The following LRRC7 variants were observed in gnomAD, a reference collection of about 807,000 sequenced individuals.
LRRC7 encodes leucine rich repeat containing 7.
A neutral mutation model predicts 175.7 loss-of-function variants in LRRC7; 23 were observed. The observed-to-expected ratio is 0.13, with a 90% confidence interval of 0.09 to 0.19. The LOEUF (loss-of-function observed/expected upper bound fraction) is 0.19, where lower values mean the gene tolerates loss of function less well. Among genes scored for constraint, LRRC7 ranks in the 10% least tolerant of loss-of-function variants. The pLI, the probability that LRRC7 is intolerant of heterozygous loss-of-function variation, is 1.00. For missense variants in LRRC7, 1,354 were observed against 1,904.7 expected (o/e 0.71, Z 5.38); for synonymous variants, 685 against 680.9 (o/e 1.01, Z -0.09).
At chr1:69,711,756 C>A (rs1481875499) in intron 2 of LRRC7, among the ~76,000 whole-genome samples, 1 of 152,076 alleles carries the variant, frequency 6.6e-6, no homozygotes, top group African/African-American at 2.4e-5. Context: ...TGATTATAAG[C>A]ATAACTGAAC....
At chr1:70,111,872 T>C (rs1188029952) in intron 26 of LRRC7, among the ~76,000 whole-genome samples, 1 of 152,174 alleles carries the variant, frequency 6.6e-6, no homozygotes, top group African/African-American at 2.4e-5. Flanking sequence ...TTATATAATT[T>C]ATAGAGATTT....
intron 7 of LRRC7, among the ~76,000 whole-genome samples, chr1:69,894,790 A>T (rs1645931526): frequency 6.6e-6 from 1 of 152,232 alleles, no homozygotes; most frequent in Non-Finnish European, 1.5e-5. Context: ...ACCTAAAATA[A>T]TCAAAGGTAT....
chr1:69,650,414 C>T (rs1417957532), intron 1 of LRRC7, among the ~76,000 whole-genome samples: 1 of 151,622 alleles, frequency 6.6e-6, no homozygotes, highest in African/African-American at 2.4e-5. Context: ...GTGGTGGGTG[C>T]CTGCAGTCCC....
At chr1:69,747,444 G>T (rs1362097899) in intron 2 of LRRC7, among the ~76,000 whole-genome samples, 1 of 152,158 alleles carries the variant, frequency 6.6e-6, no homozygotes, top group Non-Finnish European at 1.5e-5. Context: ...TAATTATAGT[G>T]AAGATAGCAG....
intron 13 of LRRC7, among the ~76,000 whole-genome samples, chr1:70,016,251 T>G (rs1656954526): frequency 6.6e-6 from 1 of 152,192 alleles, no homozygotes; most frequent in Admixed American, 6.5e-5. Context: ...CCATACATGT[T>G]AAACATTTTT....
chr1:69,973,294 A>G (rs1268089805), intron 8 of LRRC7, among the ~76,000 whole-genome samples: 1 of 151,902 alleles, frequency 6.6e-6, no homozygotes, highest in East Asian at 1.9e-4. Context: ...GGGAAAGGGT[A>G]GGAAAAGGGT....
chr1:70,045,708 T>C (rs150143356), intron 22 of LRRC7, among the ~76,000 whole-genome samples: 1 of 152,266 alleles, frequency 6.6e-6, no homozygotes, highest in Non-Finnish European at 1.5e-5. Flanking sequence ...GGGTAATTTG[T>C]AAAGGAAACA....
At chr1:70,085,287 G>T (rs1044218721) in intron 24 of LRRC7, among the ~76,000 whole-genome samples, 16 of 151,982 alleles carry the variant, frequency 1.1e-4, no homozygotes, top group Non-Finnish European at 2.1e-4. Context: ...TCAGCCTCTG[G>T]TCTACTTTAC....
intron 7 of LRRC7, among the ~76,000 whole-genome samples, chr1:69,867,692 G>A (rs373753282): frequency 2.0e-5 from 3 of 152,064 alleles, no homozygotes; most frequent in African/African-American, 2.4e-5. Flanking sequence ...AGATAGAGTC[G>A]AAACATTTAG....
At position 70,121,997 on chromosome 1, in the gene LRRC7, G is replaced by A; in HGVS notation, c.*110G>A. ...TGCTGGACCAATGGCAAACATTAGT[G>A]CCAAATGTATAATACTATATGTTAG... On this transcript the variant is annotated 3_prime_UTR_variant, in exon 27 of 27. Coordinates refer to ENST00000651989, the MANE Select transcript of LRRC7 (RefSeq NM_001370785.2). 2 of 700,170 alleles carry A rather than the reference G, an allele frequency of 2.9e-6. No homozygotes were observed. The highest frequency in any genetic ancestry group is 1.6e-5 in the South Asian group (1 of 61,722). 43.4% of individuals were successfully genotyped at this position (700,170 alleles called of 1,614,324 possible). A position where few individuals can be genotyped will look rare whatever the true frequency, so the allele number is the denominator to read the frequency against.
At position 70,126,614 on chromosome 1, in the gene LRRC7, C is replaced by A. The variant is rs901091770; in HGVS notation, c.*4727C>A. On this transcript the variant is annotated 3_prime_UTR_variant, in exon 27 of 27. Coordinates refer to ENST00000651989, the MANE Select transcript of LRRC7 (RefSeq NM_001370785.2). ...GAATATTTCCCATCACCCACCAACA[C>A]CATACCCAAAGAATACATTATAGCA... Among the ~76,000 whole-genome samples, 1 of 152,092 alleles carries A rather than the reference C, an allele frequency of 6.6e-6. No homozygotes were observed. Among genetic ancestry groups the A allele is most frequent in the African/African-American group, 2.4e-5 (1 of 41,400 alleles).
intron 18 of LRRC7, among the ~76,000 whole-genome samples, chr1:70,034,809 A>G (rs74471740): frequency 0.017 from 2,579 of 152,350 alleles, 76 homozygotes; most frequent in African/African-American, 0.059. Context: ...TATTTAAAAA[A>G]TTAACAAGTA....
At position 69,569,066 on chromosome 1, in the gene LRRC7, G is replaced by GAC. The variant is rs3831340; in HGVS notation, c.2+442_2+443dup. On this transcript the variant is annotated intron_variant, in intron 1 of 26. Coordinates refer to ENST00000651989, the MANE Select transcript of LRRC7 (RefSeq NM_001370785.2). Reference sequence around the variant, plus strand: ...AGGGATGAAGCGCGTGTTTGATCGTGACACACACACACACACACTCACACA... The same window carrying GAC: ...AGGGATGAAGCGCGTGTTTGATCGTGACACACACACACACACACACTCACACA... 2.5e-3 allele frequency among the ~76,000 whole-genome samples: 381 copies of GAC among 151,118 alleles called. 1 individual carries two copies. The highest frequency in any genetic ancestry group is 7.3e-3 in the African/African-American group (303 of 41,232).
At chr1:69,760,859 G>A (rs1185804199) in intron 3 of LRRC7, among the ~76,000 whole-genome samples, 2 of 151,912 alleles carry the variant, frequency 1.3e-5, no homozygotes, top group Admixed American at 6.6e-5. Flanking sequence ...TTTTGTACCT[G>A]TATGTAAAAT....
intron 7 of LRRC7, among the ~76,000 whole-genome samples, chr1:69,881,220 G>A (rs771892013): frequency 6.6e-6 from 1 of 152,184 alleles, no homozygotes; most frequent in Non-Finnish European, 1.5e-5. Flanking sequence ...TAAATGAATA[G>A]AGGGGATATG....
intron 23 of LRRC7, among the ~76,000 whole-genome samples, chr1:70,070,918 G>A (rs1459721061): frequency 6.6e-6 from 1 of 152,206 alleles, no homozygotes; most frequent in Non-Finnish European, 1.5e-5. Context: ...CTGGAGAAGA[G>A]GGGCTTATTA....
chr1:69,894,834 A>T lies in LRRC7; in HGVS notation c.648-36673A>T, dbSNP rs193018831. On this transcript the variant is annotated intron_variant, in intron 7 of 26. Transcript: ENST00000651989. ...ATAGTAGAATGATGGTTACCAGAAG[A>T]TGTCAGGGGTATAAAGTTACAGTTA... Among the ~76,000 whole-genome samples, 138 of 152,360 alleles carry T rather than the reference A, an allele frequency of 9.1e-4. 1 individual carries two copies. Among genetic ancestry groups the T allele is most frequent in the African/African-American group, 3.3e-3 (136 of 41,586 alleles).
chr1:69,944,768 G>A (rs573986384), intron 8 of LRRC7, among the ~76,000 whole-genome samples: 12 of 151,836 alleles, frequency 7.9e-5, no homozygotes, highest in Admixed American at 2.0e-4. Context: ...TATTACTGAT[G>A]TTGAGCATTT....
intron 1 of LRRC7, among the ~76,000 whole-genome samples, chr1:69,610,096 G>A (rs1648458619): frequency 1.3e-5 from 2 of 151,998 alleles, no homozygotes; most frequent in African/African-American, 2.4e-5. Flanking sequence ...GTGTTTCAGT[G>A]TATATCTCTG....
Sources: allele counts gnomAD v4.1 joint callset (sites outside exome capture counted in the v4.1 genomes callset), GRCh38; gene constraint gnomAD v4.1.1; transcripts MANE v1.5; gene names NCBI Gene and HGNC (gene_info 2026-07-23, HGNC 2026-07-21).